EEFSEC: variants seen among roughly 807,000 people sequenced by gnomAD.
EEFSEC encodes the protein eukaryotic elongation factor, selenocysteine-tRNA specific.
A neutral mutation model predicts 42.1 loss-of-function variants in EEFSEC; 43 were observed. That is an observed-to-expected ratio of 1.02 (90% CI 0.80 to 1.32). EEFSEC has a LOEUF of 1.32. EEFSEC is among the 40% of genes most tolerant of loss of function. The pLI is 0.00. For missense variants in EEFSEC, 745 were observed against 803.6 expected (o/e 0.93, Z 0.88); for synonymous variants, 354 against 339.1 (o/e 1.04, Z -0.48).
chr3:128,228,679 G>T (rs904296846), intron 1 of EEFSEC, among the ~76,000 whole-genome samples: 2 of 152,080 alleles, frequency 1.3e-5, no homozygotes, highest in African/African-American at 4.8e-5. Context: ...CCTGAGTGGG[G>T]TCTGATCCTG....
At chr3:128,306,558 G>T (rs2066829493) in intron 4 of EEFSEC, among the ~76,000 whole-genome samples, 1 of 151,972 alleles carries the variant, frequency 6.6e-6, no homozygotes, top group African/African-American at 2.4e-5. Flanking sequence ...GAGTCATTTT[G>T]TTTTAGATGT....
At chr3:128,412,756 C>T (rs559073557), downstream of EEFSEC, among the ~76,000 whole-genome samples, 8 of 152,300 alleles carry the variant, frequency 5.3e-5, no homozygotes, top group South Asian at 4.1e-4. Context: ...CCTGCTCAGC[C>T]GGCACCAGGC....
At chr3:128,338,325 G>T (rs900839887) in intron 4 of EEFSEC, among the ~76,000 whole-genome samples, 1 of 152,326 alleles carries the variant, frequency 6.6e-6, no homozygotes, top group East Asian at 1.9e-4. Context: ...GAGTGGGGAG[G>T]ACCACACAGG....
chr3:128,288,976 T>C (rs2066614835), intron 4 of EEFSEC, among the ~76,000 whole-genome samples: 1 of 152,218 alleles, frequency 6.6e-6, no homozygotes, highest in Admixed American at 6.5e-5. Context: ...CCTTTGCAGT[T>C]GGAGTAATGT....
At chr3:128,355,295 G>A (rs2107584723) in intron 5 of EEFSEC, among the ~76,000 whole-genome samples, 1 of 152,228 alleles carries the variant, frequency 6.6e-6, no homozygotes, top group East Asian at 1.9e-4. Flanking sequence ...CTCAGTCCTG[G>A]GGGCCAAGGG....
At chr3:128,348,961 G>T (rs946520619) in intron 5 of EEFSEC, among the ~76,000 whole-genome samples, 3 of 152,222 alleles carry the variant, frequency 2.0e-5, no homozygotes, top group Non-Finnish European at 2.9e-5. Context: ...AAGGAACTCT[G>T]CCAAGGTGGG....
Position 128,262,120 on chromosome 3 carries a change from C to T in EEFSEC, c.525-8C>T, listed in dbSNP as rs377382186. 327 of 1,613,704 alleles carry T rather than the reference C, an allele frequency of 2.0e-4. No individual in the cohort carries two copies. The highest frequency in any genetic ancestry group is 2.6e-4 in the Non-Finnish European group (302 of 1,179,838). Reference sequence around the variant, plus strand: ...TGTAACTGTGATGGGACTTATTTTCCATTTCAGGTTCCGAGGTGCACCGAT... The same window carrying T: ...TGTAACTGTGATGGGACTTATTTTCTATTTCAGGTTCCGAGGTGCACCGAT... On this transcript the variant is annotated splice_polypyrimidine_tract_variant and splice_region_variant and intron_variant, in intron 2 of 6. Coordinates refer to ENST00000254730, the MANE Select transcript of EEFSEC (RefSeq NM_021937.5).
chr3:128,327,572 C>T (rs1467101782), intron 4 of EEFSEC, among the ~76,000 whole-genome samples: 3 of 152,152 alleles, frequency 2.0e-5, no homozygotes, highest in African/African-American at 7.2e-5. Flanking sequence ...GAATTAAAGC[C>T]AGTGGAAGGA....
chr3:128,338,013 A>G (rs921875054), intron 4 of EEFSEC, among the ~76,000 whole-genome samples: 3 of 152,206 alleles, frequency 2.0e-5, no homozygotes, highest in Non-Finnish European at 4.4e-5. Context: ...AAACACCCCC[A>G]GTGCACATCG....
intron 1 of EEFSEC, among the ~76,000 whole-genome samples, chr3:128,201,284 T>C (rs1175724733): frequency 6.6e-6 from 1 of 152,054 alleles, no homozygotes; most frequent in Non-Finnish European, 1.5e-5. Flanking sequence ...ACACTCACTT[T>C]CCTGCCAGGG....
chr3:128,390,953 T>C (rs1182422026), intron 6 of EEFSEC, among the ~76,000 whole-genome samples: 1 of 152,228 alleles, frequency 6.6e-6, no homozygotes, highest in Admixed American at 6.5e-5. Flanking sequence ...CATCCCACCC[T>C]GGGCCCTTTG....
chr3:128,258,556 G>T (rs2066265931), intron 2 of EEFSEC, among the ~76,000 whole-genome samples: 1 of 152,168 alleles, frequency 6.6e-6, no homozygotes, highest in Non-Finnish European at 1.5e-5. Flanking sequence ...TGTGTGCATG[G>T]TGGGTGCTTC....
At chr3:128,416,149 A>G in the EEFSEC span, among the ~76,000 whole-genome samples, 16 of 152,084 alleles carry the variant, frequency 1.1e-4, no homozygotes, top group East Asian at 2.9e-3. Flanking sequence ...ACAGACAAGC[A>G]TCTCCCGGTG....
intron 1 of EEFSEC, among the ~76,000 whole-genome samples, chr3:128,225,302 G>T (rs1399865460): frequency 6.6e-6 from 1 of 152,244 alleles, no homozygotes; most frequent in Non-Finnish European, 1.5e-5. Flanking sequence ...CCCTGGGTCA[G>T]TGTCTTTTTT....
chr3:128,167,810 G>A (rs542900567), intron 1 of EEFSEC, among the ~76,000 whole-genome samples: 3 of 152,302 alleles, frequency 2.0e-5, no homozygotes, highest in Non-Finnish European at 2.9e-5. Flanking sequence ...CTCCCAGATC[G>A]TATATTTTCC....
chr3:128,374,475 CACTT>C (rs1005494852), intron 6 of EEFSEC, among the ~76,000 whole-genome samples: 22 of 152,322 alleles, frequency 1.4e-4, no homozygotes, highest in African/African-American at 5.3e-4. Context: ...AGTCAGGACA[CACTT>C]ACTCACTCTC....
intron 2 of EEFSEC, among the ~76,000 whole-genome samples, chr3:128,258,461 C>T (rs1051347922): frequency 6.6e-6 from 1 of 152,152 alleles, no homozygotes; most frequent in African/African-American, 2.4e-5. Context: ...GCCTCAGTTT[C>T]CTCATCTCTA....
chr3:128,385,581 C>T (rs530697011), intron 6 of EEFSEC, among the ~76,000 whole-genome samples: 11 of 152,320 alleles, frequency 7.2e-5, no homozygotes, highest in African/African-American at 1.9e-4. Flanking sequence ...GCACCAGTCC[C>T]GATGAGAACA....
chr3:128,241,204 T>TTTC (rs1478069061), intron 1 of EEFSEC, among the ~76,000 whole-genome samples: 1 of 139,870 alleles, frequency 7.1e-6, no homozygotes, highest in East Asian at 2.1e-4. Flanking sequence ...TCTCTCTCTT[T>TTTC]TTTTTTTTTT....
Sources: gnomAD v4.1 joint callset for allele counts (sites outside exome capture counted in the v4.1 genomes callset) on GRCh38, gnomAD v4.1.1 for gene constraint, MANE v1.5 for transcripts, NCBI Gene and HGNC (gene_info 2026-07-23, HGNC 2026-07-21) for gene names.